Variants in SCD5 observed in about 807,000 individuals in gnomAD.
The protein encoded by SCD5 is stearoyl-CoA desaturase 5.
In SCD5, 20 loss-of-function variants were observed where a neutral mutation model predicts 30.4. The observed-to-expected ratio is 0.66, with a 90% confidence interval of 0.46 to 0.96. The LOEUF (loss-of-function observed/expected upper bound fraction) is 0.96, where lower values mean the gene tolerates loss of function less well. Among genes scored for constraint, SCD5 ranks in the 40% least tolerant of loss-of-function variants. SCD5 has a pLI of 0.00. For synonymous variants in SCD5, 173 were observed against 176.4 expected, an observed-to-expected ratio of 0.98 and a Z score of 0.16; for missense variants, 381 against 443.3, an observed-to-expected ratio of 0.86 and a Z score of 1.26.
At chr4:82,792,096 A>G (rs762357279) in intron 1 of SCD5, among the ~76,000 whole-genome samples, 5 of 152,128 alleles carry the variant, frequency 3.3e-5, no homozygotes, top group Non-Finnish European at 7.3e-5. Flanking sequence ...TGTCTCTACT[A>G]AAAATACAAA....
intron 1 of SCD5, among the ~76,000 whole-genome samples, chr4:82,719,459 C>T (rs1720310107): frequency 6.6e-6 from 1 of 151,490 alleles, no homozygotes; most frequent in African/African-American, 2.4e-5. Context: ...ATGAGTCTAG[C>T]CTCGATTATA....
At chr4:82,712,273 TATATATATATA>T (rs1720116034) in intron 1 of SCD5, among the ~76,000 whole-genome samples, 1 of 50,072 alleles carries the variant, frequency 2.0e-5, no homozygotes, top group African/African-American at 1.3e-4. Flanking sequence ...TATATATATA[TATATATATATA>T]TATATATATA....
chr4:82,745,606 A>G (rs1326849163), intron 1 of SCD5, among the ~76,000 whole-genome samples: 1 of 152,136 alleles, frequency 6.6e-6, no homozygotes, highest in Non-Finnish European at 1.5e-5. Flanking sequence ...ACAGATCATC[A>G]CCTAAGTATT....
intron 1 of SCD5, among the ~76,000 whole-genome samples, chr4:82,712,568 G>A (rs1720134934): frequency 6.6e-6 from 1 of 151,358 alleles, no homozygotes; most frequent in Admixed American, 6.6e-5. Context: ...TGCCCGCCTT[G>A]GCCTCCAAAA....
At chr4:82,707,144 T>G (rs1490770321) in intron 1 of SCD5, among the ~76,000 whole-genome samples, 1 of 152,212 alleles carries the variant, frequency 6.6e-6, no homozygotes, top group Admixed American at 6.5e-5. Context: ...GGTAATGAAA[T>G]ATTCAGACAA....
At chr4:82,712,297 T>TACATATA (rs1560540874) in intron 1 of SCD5, among the ~76,000 whole-genome samples, 1 of 33,762 alleles carries the variant, frequency 3.0e-5, no homozygotes, top group Non-Finnish European at 6.3e-5. Context: ...TATATATATA[T>TACATATA]TTTATTTTTA....
At chr4:82,637,862 T>C (rs998726550) in intron 3 of SCD5, among the ~76,000 whole-genome samples, 11 of 152,100 alleles carry the variant, frequency 7.2e-5, no homozygotes, top group Non-Finnish European at 1.6e-4. Context: ...TCTTCTACTG[T>C]ATGGTTCTTT....
intron 1 of SCD5, among the ~76,000 whole-genome samples, chr4:82,776,962 A>C (rs1263177074): frequency 6.6e-6 from 1 of 152,240 alleles, no homozygotes; most frequent in Admixed American, 6.5e-5. Flanking sequence ...TTCTGCTGAA[A>C]AACAAAAACA....
intron 1 of SCD5, among the ~76,000 whole-genome samples, chr4:82,717,578 C>G (rs1487442124): frequency 1.3e-5 from 2 of 151,754 alleles, no homozygotes; most frequent in Non-Finnish European, 2.9e-5. Flanking sequence ...TATATGCATG[C>G]TCATTAATAT....
intron 1 of SCD5, among the ~76,000 whole-genome samples, chr4:82,786,049 A>ACT (rs1306531335): frequency 1.3e-5 from 2 of 152,166 alleles, no homozygotes; most frequent in East Asian, 3.8e-4. Context: ...TTCATTTCTA[A>ACT]CTTCATGCAT....
intron 1 of SCD5, among the ~76,000 whole-genome samples, chr4:82,782,585 T>C (rs749220170): frequency 4.6e-5 from 7 of 151,880 alleles, no homozygotes; most frequent in Non-Finnish European, 1.0e-4. Flanking sequence ...ACCTCCTACT[T>C]CCTAACAGCT....
chr4:82,699,069 C>A (rs900373096), intron 2 of SCD5, among the ~76,000 whole-genome samples: 23 of 152,102 alleles, frequency 1.5e-4, no homozygotes, highest in African/African-American at 5.1e-4. Flanking sequence ...GGGTCCGCAA[C>A]CCCCGGGCCA....
rs1247142364 is a variant in SCD5 at position 82,798,523 on chromosome 4, G to A, written c.15C>T (p.Ala5=). 2 of 1,597,816 alleles carry A rather than the reference G, an allele frequency of 1.3e-6. No individual in the cohort carries two copies. The highest frequency in any genetic ancestry group is 1.1e-5 in the South Asian group (1 of 88,618). Residue 5 remains alanine, a synonymous_variant, in exon 1 of 5, where the codon GCC becomes GCT. Coordinates refer to ENST00000319540, the MANE Select transcript of SCD5 (RefSeq NM_001037582.3). ...AGAAAGGGATCTTCCCCGCGTCGGT[G>A]GCCGGGCCTGGCATGGCTGGGCGAG... MPGP[A]TDAGKIPFCD...
chr4:82,793,580 G>A (rs546895906), intron 1 of SCD5, among the ~76,000 whole-genome samples: 9 of 152,210 alleles, frequency 5.9e-5, no homozygotes, highest in East Asian at 1.9e-4. Context: ...TTGCGCTGCC[G>A]GAAGACTTTT....
chr4:82,769,935 A>AC (rs1243221894), intron 1 of SCD5, among the ~76,000 whole-genome samples: 4 of 151,614 alleles, frequency 2.6e-5, no homozygotes, highest in Non-Finnish European at 4.4e-5. Flanking sequence ...ACTTACAGAA[A>AC]CAAAAAAAAA....
rs180750459 is a variant in SCD5 at position 82,638,114 on chromosome 4, T to C, written c.570-1291A>G. On this transcript the variant is annotated intron_variant, in intron 3 of 4. Coordinates refer to ENST00000319540, the MANE Select transcript of SCD5 (RefSeq NM_001037582.3). ...TGCGGTGTTTGGTTTTCTGTTCCTG[T>C]GTTAATTTGCTGAGGATAATGGCTT... 2.5e-3 allele frequency among the ~76,000 whole-genome samples: 376 copies of C among 152,272 alleles called. 4 individuals carry two copies. The highest frequency in any genetic ancestry group is 9.5e-3 in the South Asian group (46 of 4,822).
chr4:82,695,920 T>C (rs1719686937), intron 2 of SCD5, among the ~76,000 whole-genome samples: 1 of 152,236 alleles, frequency 6.6e-6, no homozygotes, highest in Non-Finnish European at 1.5e-5. Context: ...TGTGACACTT[T>C]TGAGCAATTT....
chr4:82,754,541 C>T (rs1248620592), intron 1 of SCD5, among the ~76,000 whole-genome samples: 1 of 151,424 alleles, frequency 6.6e-6, no homozygotes, highest in Non-Finnish European at 1.5e-5. Context: ...TCACCAGCAG[C>T]CCACCCTCCT....
intron 1 of SCD5, among the ~76,000 whole-genome samples, chr4:82,748,205 A>T (rs1379527870): frequency 6.6e-6 from 1 of 152,190 alleles, no homozygotes; most frequent in Admixed American, 6.5e-5. Context: ...ACAGAGTCAA[A>T]GCAGGGAAAG....
Sources: gnomAD v4.1 joint callset for allele counts (sites outside exome capture counted in the v4.1 genomes callset) on GRCh38, gnomAD v4.1.1 for gene constraint, MANE v1.5 for transcripts, NCBI Gene and HGNC (gene_info 2026-07-23, HGNC 2026-07-21) for gene names.